Variants in NFYA observed in about 807,000 individuals in gnomAD.
NFYA encodes the protein CAAT-box DNA binding protein subunit A.
NFYA carries 28 observed loss-of-function variants against 52.8 expected under a neutral mutation model. That is an observed-to-expected ratio of 0.53 (90% CI 0.39 to 0.73). NFYA has a LOEUF of 0.73. Among genes scored for constraint, NFYA ranks in the 30% least tolerant of loss-of-function variants. The pLI, the probability that NFYA is intolerant of heterozygous loss-of-function variation, is 0.00. For synonymous variants in NFYA, 150 were observed against 150.7 expected (o/e 1.00, Z 0.03); for missense variants, 234 against 427.0 (o/e 0.55, Z 3.98).
intron 4 of NFYA, among the ~76,000 whole-genome samples, chr6:41,088,344 A>C (rs1427385470): frequency 1.4e-5 from 2 of 146,284 alleles, no homozygotes; most frequent in African/African-American, 5.2e-5. Context: ...AATGGCATGA[A>C]CCCAGGAGGC....
intron 8 of NFYA, among the ~76,000 whole-genome samples, chr6:41,093,937 A>T (rs1314710543): frequency 3.9e-5 from 6 of 152,180 alleles, no homozygotes; most frequent in Non-Finnish European, 7.4e-5. Flanking sequence ...GGAGGATCAC[A>T]TGAGCCGAGG....
chr6:41,094,089 C>T (rs778334531), intron 8 of NFYA, among the ~76,000 whole-genome samples: 6 of 152,030 alleles, frequency 3.9e-5, no homozygotes, highest in Non-Finnish European at 8.8e-5. Flanking sequence ...TTTGCTCAAA[C>T]GAAATTTGGC....
Position 41,100,862 on chromosome 6 carries a change from A to C in NFYA, c.*3452A>C, listed in dbSNP as rs62396301. Among the ~76,000 whole-genome samples the C allele has an allele frequency of 0.1, 15,197 of 152,266 alleles. 786 individuals carry two copies. Among genetic ancestry groups the C allele is most frequent in the Middle Eastern group, 0.15 (44 of 294 alleles). On this transcript the variant is annotated 3_prime_UTR_variant, in exon 10 of 10. Coordinates refer to ENST00000341376, the MANE Select transcript of NFYA (RefSeq NM_002505.5). The stretch of plus-strand genomic sequence containing the variant: ...CCCGGGGAAGTAGGCCCCGCTAAGA[A>C]TGTGGGAAGGTGGTGGGGCGGCGAC...
chr6:41,080,173 G>A (rs1222556143), intron 2 of NFYA, among the ~76,000 whole-genome samples: 1 of 152,160 alleles, frequency 6.6e-6, no homozygotes, highest in East Asian at 1.9e-4. Flanking sequence ...TTGAAGCTGG[G>A]CATGGTGCTG....
intron 1 of NFYA, among the ~76,000 whole-genome samples, chr6:41,077,844 T>C (rs1763783585): frequency 6.6e-6 from 1 of 152,248 alleles, no homozygotes; most frequent in Non-Finnish European, 1.5e-5. Context: ...CCACAAGTCC[T>C]CTTGCTGTGA....
At chr6:41,096,653 A>T (rs1345800363) in intron 9 of NFYA, among the ~76,000 whole-genome samples, 1 of 152,200 alleles carries the variant, frequency 6.6e-6, no homozygotes, top group Non-Finnish European at 1.5e-5. Flanking sequence ...CTGCCTACCA[A>T]GGCTTCAGAG....
chr6:41,076,556 T>C (rs1426168688), intron 1 of NFYA, among the ~76,000 whole-genome samples: 2 of 152,210 alleles, frequency 1.3e-5, no homozygotes, highest in Non-Finnish European at 2.9e-5. Flanking sequence ...TAGTAAGTGG[T>C]TGGCTAAGTC....
chr6:41,073,695 C>G (rs1027739618), intron 1 of NFYA, among the ~76,000 whole-genome samples: 2 of 152,016 alleles, frequency 1.3e-5, no homozygotes, highest in Non-Finnish European at 2.9e-5. Context: ...GCTGGCCCGC[C>G]CACGCCTCGG....
intron 7 of NFYA, 83 bp downstream of exon 7, chr6:41,091,777 C>T (rs1764201831): frequency 4.0e-6 from 6 of 1,489,038 alleles, no homozygotes; most frequent in African/African-American, 1.4e-5. Context: ...ATTATGTTGA[C>T]CTCTTGGGAT....
rs1764476529 is a variant in NFYA, at chr6:41,100,760, C to A, written c.*3350C>A. Among the ~76,000 whole-genome samples, 1 of 152,156 alleles carries A rather than the reference C, an allele frequency of 6.6e-6. No individual in the cohort carries two copies. Among genetic ancestry groups the A allele is most frequent in the African/African-American group, 2.4e-5 (1 of 41,454 alleles). On this transcript the variant is annotated 3_prime_UTR_variant, in exon 10 of 10. Coordinates refer to ENST00000341376, the MANE Select transcript of NFYA (RefSeq NM_002505.5). The stretch of plus-strand genomic sequence containing the variant: ...AACGGCTTTATCGTAGGAGCGTCTT[C>A]GCCTCCCCCGTTTCCAGTAGAAAAG...
chr6:41,077,334 A>C (rs1763766708), intron 1 of NFYA, among the ~76,000 whole-genome samples: 1 of 152,146 alleles, frequency 6.6e-6, no homozygotes, highest in Admixed American at 6.5e-5. Context: ...TGAAGATATA[A>C]AACATTTTCA....
At position 41,099,598 on chromosome 6, in the gene NFYA, T is replaced by C. The variant is rs1387438982; in HGVS notation, c.*2188T>C. 4 of 152,348 alleles carry C rather than the reference T, an allele frequency of 2.6e-5. No individual in the cohort carries two copies. Among genetic ancestry groups the C allele is most frequent in the Admixed American group, 6.5e-5 (1 of 15,304 alleles). The allele number at this position is 152,348 out of a possible 1,614,324, so 9.4% of individuals were successfully genotyped here. On this transcript the variant is annotated 3_prime_UTR_variant, in exon 10 of 10. Coordinates refer to ENST00000341376, the MANE Select transcript of NFYA (RefSeq NM_002505.5). The stretch of plus-strand genomic sequence containing the variant: ...GGGTATTGACATTTGGATTTTTTCT[T>C]TGATACTAGTTCTTTTATTCATTTT...
At chr6:41,090,172 T>C (rs1394102918) in intron 5 of NFYA, 32 bp from the exon 6 acceptor site, 5 of 1,371,180 alleles carry the variant, frequency 3.6e-6, no homozygotes, top group Non-Finnish European at 5.2e-6. Flanking sequence ...CTTTGGGATC[T>C]GTTGAATTGT....
intron 4 of NFYA, among the ~76,000 whole-genome samples, chr6:41,089,354 G>A (rs1419210286): frequency 3.3e-5 from 5 of 152,114 alleles, no homozygotes; most frequent in South Asian, 2.1e-4. Flanking sequence ...CATAAAAACC[G>A]ACATTGATTT....
At position 41,101,196 on chromosome 6, in the gene NFYA, C is replaced by G. The variant is rs1764492867; in HGVS notation, c.*3786C>G. The G allele has an allele frequency of 6.6e-6, 1 of 152,304 alleles. No individual in the cohort carries two copies. Among genetic ancestry groups the G allele is most frequent in the Non-Finnish European group, 1.5e-5 (1 of 68,100 alleles). The allele number at this position is 152,304 out of a possible 1,614,324, so 9.4% of individuals were successfully genotyped here. A position where few individuals can be genotyped will look rare whatever the true frequency, so the allele number is the denominator to read the frequency against. On this transcript the variant is annotated 3_prime_UTR_variant, in exon 10 of 10. Coordinates refer to ENST00000341376, the MANE Select transcript of NFYA (RefSeq NM_002505.5). ...TGTGACGGGTGAGGGCGACGGCCGG[C>G]ACTTGCACTTAAGTCTCCTGGCCTG...
intron 3 of NFYA, among the ~76,000 whole-genome samples, chr6:41,083,687 C>T (rs543481762): frequency 6.6e-6 from 1 of 152,196 alleles, no homozygotes; most frequent in African/African-American, 2.4e-5. Flanking sequence ...TTCTCTCCAG[C>T]CTTCACTACA....
intron 4 of NFYA, among the ~76,000 whole-genome samples, chr6:41,086,656 C>G (rs921602051): frequency 1.3e-5 from 2 of 152,064 alleles, no homozygotes; most frequent in African/African-American, 2.4e-5. Context: ...TGTCCAGTCT[C>G]ATGAAAAATT....
At chr6:41,095,577 C>T (rs1255294864) in intron 9 of NFYA, among the ~76,000 whole-genome samples, 1 of 152,080 alleles carries the variant, frequency 6.6e-6, no homozygotes, top group Non-Finnish European at 1.5e-5. Flanking sequence ...ACTATAGCCA[C>T]GCACCACCAT....
chr6:41,077,732 G>T (rs192038437), intron 1 of NFYA, among the ~76,000 whole-genome samples: 1 of 152,200 alleles, frequency 6.6e-6, no homozygotes, highest in Admixed American at 6.5e-5. Context: ...GATTATATTT[G>T]CTCCCTGTTG....
Sources: gnomAD v4.1 joint callset for allele counts (sites outside exome capture counted in the v4.1 genomes callset) on GRCh38, gnomAD v4.1.1 for gene constraint, MANE v1.5 for transcripts, NCBI Gene and HGNC (gene_info 2026-07-23, HGNC 2026-07-21) for gene names.